Variants in MCTP1 observed in about 807,000 individuals in gnomAD.
MCTP1 encodes multiple C2 and transmembrane domain-containing protein 1.
A neutral mutation model predicts 120.6 loss-of-function variants in MCTP1; 69 were observed. The observed-to-expected ratio is 0.57, with a 90% CI of 0.47 to 0.70. The LOEUF is 0.70. Among genes scored for constraint, MCTP1 ranks in the 30% least tolerant of loss-of-function variants. The probability of loss-of-function intolerance (pLI) is 0.00; values close to 1 mark genes in which losing one functional copy is unlikely to be tolerated. For synonymous variants in MCTP1, 529 were observed against 493.1 expected (o/e 1.07, Z -0.96); for missense variants, 1,203 against 1,248.8 (o/e 0.96, Z 0.55).
At chr5:94,791,992 T>C (rs1421591639) in intron 18 of MCTP1, 1 of 152,380 alleles carries the variant, frequency 6.6e-6, no homozygotes, top group African/African-American at 2.4e-5. Flanking sequence ...CCGAAGACCA[T>C]CCCAGGATGA....
intron 1 of MCTP1, among the ~76,000 whole-genome samples, chr5:95,259,024 T>C (rs1298624312): frequency 6.6e-6 from 1 of 152,226 alleles, no homozygotes; most frequent in Admixed American, 6.5e-5. Context: ...CCTCCATTTT[T>C]GTTATTACAG....
In MCTP1 at chr5:95,006,325, G is replaced by A. The variant is rs552210942; in HGVS notation, c.838+11042C>T. Among the ~76,000 whole-genome samples, 4 of 150,994 alleles carry A rather than the reference G, an allele frequency of 2.6e-5. No individual in the cohort carries two copies. The South Asian group carries it at 8.4e-4, about 32-fold the overall frequency. ...TATATGTATATATATGTATGTATAT[G>A]TATATATATGTGTGTATGTGTATGG... On this transcript the variant is annotated intron_variant, in intron 2 of 22. Transcript: ENST00000515393.
At chr5:94,852,915 A>C (rs1794027066) in intron 17 of MCTP1, among the ~76,000 whole-genome samples, 1 of 151,996 alleles carries the variant, frequency 6.6e-6, no homozygotes, top group Non-Finnish European at 1.5e-5. Context: ...TCTTTATAAA[A>C]GCTTCGTGAT....
At chr5:95,240,038 C>G (rs886871412) in intron 1 of MCTP1, among the ~76,000 whole-genome samples, 1 of 151,990 alleles carries the variant, frequency 6.6e-6, no homozygotes, top group African/African-American at 2.4e-5. Flanking sequence ...TATTATTATT[C>G]TTTGCATTGG....
chr5:95,112,055 G>A (rs553607222), intron 1 of MCTP1, among the ~76,000 whole-genome samples: 1 of 152,132 alleles, frequency 6.6e-6, no homozygotes, highest in Non-Finnish European at 1.5e-5. Context: ...TATTTTAAAA[G>A]AAGTGCACAC....
chr5:94,738,394 C>T (rs1764756524), intron 19 of MCTP1, among the ~76,000 whole-genome samples: 1 of 152,074 alleles, frequency 6.6e-6, no homozygotes, highest in Non-Finnish European at 1.5e-5. Context: ...GTAGAAGCAC[C>T]TTGTCCCAGT....
intron 5 of MCTP1, among the ~76,000 whole-genome samples, chr5:94,936,856 C>T (rs931033640): frequency 3.9e-5 from 6 of 152,024 alleles, no homozygotes; most frequent in African/African-American, 1.4e-4. Flanking sequence ...GATACTGAAT[C>T]CCAGCAGAAT....
intron 2 of MCTP1, among the ~76,000 whole-genome samples, chr5:94,982,943 A>G (rs1399855969): frequency 7.9e-6 from 1 of 127,190 alleles, no homozygotes; most frequent in South Asian, 2.5e-4. Flanking sequence ...ATTTTATCCC[A>G]TTTTCTTTAA....
intron 1 of MCTP1, among the ~76,000 whole-genome samples, chr5:95,169,228 G>A (rs1442095834): frequency 6.6e-6 from 1 of 152,156 alleles, no homozygotes; most frequent in Non-Finnish European, 1.5e-5. Context: ...AACCAGCCTT[G>A]CAACCCACAG....
intron 1 of MCTP1, among the ~76,000 whole-genome samples, chr5:95,023,092 A>T (rs185851019): frequency 4.5e-4 from 69 of 152,286 alleles, no homozygotes; most frequent in African/African-American, 1.4e-3. Flanking sequence ...GGAAAGGAAG[A>T]CTGATATACA....
intron 1 of MCTP1, among the ~76,000 whole-genome samples, chr5:95,173,950 G>T (rs554235083): frequency 6.6e-6 from 1 of 151,778 alleles, no homozygotes; most frequent in Admixed American, 6.6e-5. Flanking sequence ...ATCAGTTAAA[G>T]AAATGGAAGA....
chr5:95,200,386 T>C (rs1178075169), intron 1 of MCTP1, among the ~76,000 whole-genome samples: 1 of 149,350 alleles, frequency 6.7e-6, no homozygotes, highest in Non-Finnish European at 1.5e-5. Flanking sequence ...ATGACAGAGA[T>C]ATCTACACTC....
chr5:94,988,597 G>GT (rs752489135), intron 2 of MCTP1, among the ~76,000 whole-genome samples: 31,491 of 117,226 alleles, frequency 0.27, 4,131 homozygotes, highest in East Asian at 0.37. Context: ...CCCTGTGTGT[G>GT]TTTTTTTTTT....
chr5:94,947,577 T>TATATATATATATATAGAG, intron 3 of MCTP1, among the ~76,000 whole-genome samples: 79 of 47,360 alleles, frequency 1.7e-3, no homozygotes, highest in African/African-American at 2.5e-3. Context: ...TATATATATA[T>TATATATATATATATAGAG]AGAGAGAGAG....
chr5:94,751,720 G>A (rs1179075345), intron 19 of MCTP1, among the ~76,000 whole-genome samples: 1 of 152,146 alleles, frequency 6.6e-6, no homozygotes, highest in East Asian at 1.9e-4. Flanking sequence ...AATGGCATGT[G>A]TCCTTGATTG....
chr5:95,004,274 T>C (rs1834251992), intron 2 of MCTP1, among the ~76,000 whole-genome samples: 1 of 152,200 alleles, frequency 6.6e-6, no homozygotes, highest in Non-Finnish European at 1.5e-5. Context: ...GCAAAGAGAT[T>C]ATCTGAAACT....
chr5:94,845,983 T>C (rs1455839911), intron 17 of MCTP1, among the ~76,000 whole-genome samples: 1 of 152,114 alleles, frequency 6.6e-6, no homozygotes. Context: ...TGGCTATTAC[T>C]GAAAAGTCAA....
intron 1 of MCTP1, among the ~76,000 whole-genome samples, chr5:95,111,513 T>C (rs929746826): frequency 6.6e-6 from 1 of 152,190 alleles, no homozygotes; most frequent in Non-Finnish European, 1.5e-5. Flanking sequence ...AGCCTATGGT[T>C]GACCTCAAGT....
Position 94,707,475 on chromosome 5 carries a change from C to T in MCTP1, c.*21G>A, listed in dbSNP as rs567938520. 1 of 1,580,522 alleles carries T rather than the reference C, an allele frequency of 6.3e-7. No homozygotes were observed. Among genetic ancestry groups the T allele is most frequent in the Non-Finnish European group, 8.7e-7 (1 of 1,152,506 alleles). ...TTTATCTTCCCAAACAGATGCTGGT[C>T]TCCTCAGTGCTGGGAGCTGGCTAGC... On this transcript the variant is annotated 3_prime_UTR_variant, in exon 23 of 23. Coordinates refer to ENST00000515393, the MANE Select transcript of MCTP1 (RefSeq NM_024717.7).
Sources: allele counts gnomAD v4.1 joint callset (sites outside exome capture counted in the v4.1 genomes callset), GRCh38; gene constraint gnomAD v4.1.1; transcripts MANE v1.5; gene names NCBI Gene and HGNC (gene_info 2026-07-23, HGNC 2026-07-21).